RBFOX1: variants seen among roughly 807,000 people sequenced by gnomAD.
RBFOX1 encodes the protein RNA binding fox-1 homolog 1.
In RBFOX1, 8 loss-of-function variants were observed where a neutral mutation model predicts 57.7. That is an observed-to-expected ratio of 0.14 (90% CI 0.08 to 0.25). The LOEUF is 0.25. Ranked by LOEUF, RBFOX1 falls within the 10% of genes least tolerant of loss-of-function variation. RBFOX1 has a pLI of 1.00. For missense variants in RBFOX1, 611 were observed against 548.5 expected (o/e 1.11, Z -1.14); for synonymous variants, 326 against 222.4 (o/e 1.47, Z -4.15).
chr16:5,255,622 A>G (rs1203449782), intron 1 of RBFOX1, among the ~76,000 whole-genome samples: 2 of 149,530 alleles, frequency 1.3e-5, no homozygotes, highest in African/African-American at 5.0e-5. Context: ...TTCTCCACCC[A>G]CTCAACCATC....
At chr16:5,750,872 C>A (rs935325994) in intron 3 of RBFOX1, among the ~76,000 whole-genome samples, 1 of 152,226 alleles carries the variant, frequency 6.6e-6, no homozygotes, top group Non-Finnish European at 1.5e-5. Flanking sequence ...ATCCACTGTC[C>A]TGTCCCCACT....
chr16:6,845,894 C>G (rs910294538), intron 3 of RBFOX1, among the ~76,000 whole-genome samples: 2 of 152,210 alleles, frequency 1.3e-5, no homozygotes, highest in Non-Finnish European at 2.9e-5. Context: ...TTATATCTCA[C>G]TTTAAATGTC....
At chr16:7,482,180 G>T (rs2064132470) in intron 4 of RBFOX1, among the ~76,000 whole-genome samples, 1 of 152,160 alleles carries the variant, frequency 6.6e-6, no homozygotes, top group Non-Finnish European at 1.5e-5. Context: ...TGCATGAAGG[G>T]TTACAGAATC....
chr16:6,710,343 C>T (rs190776431), intron 3 of RBFOX1, among the ~76,000 whole-genome samples: 17 of 152,232 alleles, frequency 1.1e-4, no homozygotes, highest in African/African-American at 3.6e-4. Context: ...TAAAAATAAA[C>T]AGGTGAAATT....
At chr16:6,240,042 G>A (rs1189547417) in intron 1 of RBFOX1, among the ~76,000 whole-genome samples, 1 of 152,112 alleles carries the variant, frequency 6.6e-6, no homozygotes, top group Admixed American at 6.5e-5. Context: ...ATGACAGTGA[G>A]TGAGTTCTCA....
chr16:5,528,056 C>G (rs989795937), intron 2 of RBFOX1, among the ~76,000 whole-genome samples: 1 of 152,156 alleles, frequency 6.6e-6, no homozygotes, highest in African/African-American at 2.4e-5. Context: ...ATTCAAACAC[C>G]TATTTACTGC....
exon 3 of RBFOX1, chr16:5,599,817 A>G (rs1406745936): frequency 6.5e-6 from 1 of 153,300 alleles, no homozygotes; most frequent in African/African-American, 2.4e-5. Flanking sequence ...TAATGTAGGT[A>G]TGGTGAGACA....
chr16:7,025,642 T>A (rs535184207), intron 3 of RBFOX1, among the ~76,000 whole-genome samples: 1 of 152,086 alleles, frequency 6.6e-6, no homozygotes, highest in South Asian at 2.1e-4. Flanking sequence ...GGGTTTTGGA[T>A]AGAGGGGGGC....
rs1555597874 is a variant in RBFOX1 at position 6,899,090 on chromosome 16, A to AGT, written c.-15-152967_-15-152966insGT. Among the ~76,000 whole-genome samples the AGT allele has an allele frequency of 8.7e-5, 9 of 103,002 alleles. 1 individual carries two copies. Among genetic ancestry groups the AGT allele is most frequent in the Admixed American group, 8.5e-5 (1 of 11,812 alleles). 67.6% of individuals were successfully genotyped at this position (103,002 alleles called of 152,430 possible). On this transcript the variant is annotated intron_variant, in intron 3 of 15. Coordinates refer to ENST00000550418, the MANE Select transcript of RBFOX1 (RefSeq NM_018723.4). ...GTATTACACACATGTACACGTGTAT[A>AGT]ATGTGTGTACATCTGTGTATACGTG...
intron 1 of RBFOX1, among the ~76,000 whole-genome samples, chr16:5,357,511 C>A (rs1239850980): frequency 6.6e-6 from 1 of 152,202 alleles, no homozygotes; most frequent in East Asian, 1.9e-4. Context: ...GATTCCCCAC[C>A]AGAATGGATC....
chr16:5,896,206 G>C (rs2058160329), intron 4 of RBFOX1, among the ~76,000 whole-genome samples: 1 of 152,184 alleles, frequency 6.6e-6, no homozygotes, highest in African/African-American at 2.4e-5. Context: ...TCTAGAGGCA[G>C]AGAGCCAAGC....
intron 3 of RBFOX1, among the ~76,000 whole-genome samples, chr16:6,879,531 T>G (rs540516774): frequency 6.6e-6 from 1 of 152,374 alleles, no homozygotes; most frequent in African/African-American, 2.4e-5. Context: ...AAAGTTAGGT[T>G]AATGAGATTA....
intron 4 of RBFOX1, among the ~76,000 whole-genome samples, chr16:7,487,676 G>A (rs1306678837): frequency 2.0e-5 from 3 of 152,010 alleles, no homozygotes; most frequent in Non-Finnish European, 4.4e-5. Context: ...CACACGCACA[G>A]ACACTCACAC....
chr16:6,184,913 T>C (rs72774585), intron 1 of RBFOX1, among the ~76,000 whole-genome samples: 3 of 152,122 alleles, frequency 2.0e-5, no homozygotes, highest in Admixed American at 2.0e-4. Flanking sequence ...GAAGTGCTAG[T>C]TCCAAGATGG....
At position 6,881,091 on chromosome 16, in the gene RBFOX1, G is replaced by C. The variant is rs561472968; in HGVS notation, c.-15-170966G>C. ...CAATCATGGCACTTTTACCCACTGA[G>C]TCTGAGCTGGTCTTACCATGCTTCT... is the stretch of plus-strand genomic sequence containing the variant. On this transcript the variant is annotated intron_variant, in intron 3 of 15. Coordinates refer to ENST00000550418, the MANE Select transcript of RBFOX1 (RefSeq NM_018723.4). 7.2e-5 allele frequency among the ~76,000 whole-genome samples: 11 copies of C among 152,278 alleles called. No homozygotes were observed. The East Asian group carries it at 1.4e-3, about 19-fold the overall frequency.
chr16:6,773,585 TTGTG>T (rs113691022), intron 3 of RBFOX1, among the ~76,000 whole-genome samples: 10,549 of 125,232 alleles, frequency 0.084, 475 homozygotes, highest in East Asian at 0.11. Flanking sequence ...TGGGGTGCAT[TTGTG>T]TGTGTGTGTG....
intron 3 of RBFOX1, among the ~76,000 whole-genome samples, chr16:5,738,911 T>C (rs781226935): frequency 6.6e-6 from 1 of 152,184 alleles, no homozygotes; most frequent in Non-Finnish European, 1.5e-5. Context: ...GGAAGATGGA[T>C]GAACTCAAAG....
At chr16:5,750,716 G>C (rs188147188) in intron 3 of RBFOX1, among the ~76,000 whole-genome samples, 80 of 152,328 alleles carry the variant, frequency 5.3e-4, no homozygotes, top group South Asian at 1.2e-3. Flanking sequence ...TGTTGGAAAA[G>C]TGCAGTATTA....
intron 3 of RBFOX1, among the ~76,000 whole-genome samples, chr16:5,662,488 A>G (rs752376217): frequency 6.6e-5 from 10 of 152,216 alleles, no homozygotes; most frequent in Non-Finnish European, 8.8e-5. Context: ...AAACATGCCC[A>G]TAGCATCAGA....
Sources: allele counts gnomAD v4.1 joint callset (sites outside exome capture counted in the v4.1 genomes callset), GRCh38; gene constraint gnomAD v4.1.1; transcripts MANE v1.5; gene names NCBI Gene and HGNC (gene_info 2026-07-23, HGNC 2026-07-21).